Variants in MAGI3 observed in about 807,000 individuals in gnomAD.
The protein encoded by MAGI3 is membrane associated guanylate kinase, WW and PDZ domain containing 3.
A neutral mutation model predicts 121.8 loss-of-function variants in MAGI3; 43 were observed. The observed-to-expected ratio is 0.35, with a 90% CI of 0.28 to 0.46. The LOEUF (loss-of-function observed/expected upper bound fraction) is 0.46. Among genes scored for constraint, MAGI3 ranks in the 20% least tolerant of loss-of-function variants. The pLI is 1.00. For missense variants in MAGI3, 1,547 were observed against 1,797.3 expected (o/e 0.86, Z 2.52); for synonymous variants, 553 against 639.3 (o/e 0.86, Z 2.04).
rs761852251 is a variant in MAGI3, at chr1:113,658,751, A to C, written c.2630-329A>C. ...TAAACAATGAGACATCTGATCAGTC[A>C]GGTGGTATCAGTGAGATTAGTAGCT... On this transcript the variant is annotated intron_variant, in intron 15 of 20. Coordinates refer to ENST00000307546, the MANE Select transcript of MAGI3 (RefSeq NM_001142782.2). This position sits in a 1 kb window ranked among gnomAD's most constrained non-coding sequence, Gnocchi z 4.0. 1.3e-5 allele frequency among the ~76,000 whole-genome samples: 2 copies of C among 152,214 alleles called. No individual in the cohort carries two copies. The highest frequency in any genetic ancestry group is 2.9e-5 in the Non-Finnish European group (2 of 68,026).
chr1:113,419,605 AAAAG>A (rs1652630235), intron 1 of MAGI3, among the ~76,000 whole-genome samples: 1 of 151,348 alleles, frequency 6.6e-6, no homozygotes, highest in African/African-American at 2.4e-5. Flanking sequence ...AGTTTTAGAA[AAAAG>A]AAAGATTGGG....
rs1011798298 is a variant in MAGI3 at position 113,678,115 on chromosome 1, T to TG, written c.3190-3083_3190-3082insG. On this transcript the variant is annotated intron_variant, in intron 19 of 20. Transcript: ENST00000307546. ...CTGTTCAATTACAAGTTTTTGTTGT[T>TG]TTTTTTTTTTGCAGTTTATTGCAGG... Among the ~76,000 whole-genome samples the TG allele has an allele frequency of 2.1e-3, 314 of 148,520 alleles. 1 individual carries two copies. The highest frequency in any genetic ancestry group is 7.1e-3 in the African/African-American group (277 of 39,214).
intron 1 of MAGI3, among the ~76,000 whole-genome samples, chr1:113,430,394 C>T (rs1035861946): frequency 6.6e-6 from 1 of 152,082 alleles, no homozygotes; most frequent in African/African-American, 2.4e-5. Context: ...ATGAGTGAGG[C>T]CCTCTATTAC....
chr1:113,461,761 G>T (rs536541431), intron 1 of MAGI3, among the ~76,000 whole-genome samples: 8 of 152,218 alleles, frequency 5.3e-5, no homozygotes, highest in African/African-American at 1.9e-4. Context: ...CATAGCAAAA[G>T]AAACTATCAA....
At chr1:113,513,784 T>C (rs1657741265) in intron 1 of MAGI3, among the ~76,000 whole-genome samples, 1 of 152,136 alleles carries the variant, frequency 6.6e-6, no homozygotes, top group African/African-American at 2.4e-5. Flanking sequence ...AAATGGGATC[T>C]AATTAAACTA....
intron 1 of MAGI3, among the ~76,000 whole-genome samples, chr1:113,419,765 A>G (rs999553908): frequency 6.6e-6 from 1 of 152,152 alleles, no homozygotes. Context: ...TAGATTTATT[A>G]TCTTACAGTT....
intron 1 of MAGI3, among the ~76,000 whole-genome samples, chr1:113,526,700 G>C (rs1460582279): frequency 6.6e-6 from 1 of 152,188 alleles, no homozygotes; most frequent in Non-Finnish European, 1.5e-5. Context: ...AAAGCTGGTG[G>C]CAGGGAGTCC....
At chr1:113,513,805 G>T (rs1262668722) in intron 1 of MAGI3, among the ~76,000 whole-genome samples, 1 of 152,080 alleles carries the variant, frequency 6.6e-6, no homozygotes, top group African/African-American at 2.4e-5. Flanking sequence ...AAGAGCTTCT[G>T]CACAGCAAAA....
chr1:113,554,859 C>T (rs909812192), intron 2 of MAGI3, among the ~76,000 whole-genome samples: 1 of 152,086 alleles, frequency 6.6e-6, no homozygotes, highest in Non-Finnish European at 1.5e-5. Flanking sequence ...GGCATGCTGG[C>T]ATGTGCCTGT....
At chr1:113,660,592 T>C (rs2100999883) in intron 16 of MAGI3, among the ~76,000 whole-genome samples, 1 of 148,702 alleles carries the variant, frequency 6.7e-6, no homozygotes, top group African/African-American at 2.5e-5. Context: ...ACATATTGGT[T>C]GACTATGATA....
At chr1:113,649,057 G>A (rs1007373568) in intron 12 of MAGI3, among the ~76,000 whole-genome samples, 180 bp from the exon 13 acceptor site, 2 of 152,172 alleles carry the variant, frequency 1.3e-5, no homozygotes, top group Non-Finnish European at 2.9e-5. Context: ...AGCTCAAAAC[G>A]AGGATTTATA....
intron 16 of MAGI3, among the ~76,000 whole-genome samples, chr1:113,670,239 T>G (rs1019419110): frequency 6.6e-6 from 1 of 152,174 alleles, no homozygotes; most frequent in Non-Finnish European, 1.5e-5. Flanking sequence ...CATTTCTTCC[T>G]CCTGCCACTT....
At chr1:113,410,541 G>A (rs887188286) in intron 1 of MAGI3, among the ~76,000 whole-genome samples, 1 of 151,870 alleles carries the variant, frequency 6.6e-6, no homozygotes, top group Admixed American at 6.6e-5. Flanking sequence ...TATCTTTCTG[G>A]CTCTAGAGCT....
intron 16 of MAGI3, among the ~76,000 whole-genome samples, chr1:113,664,776 C>G (rs933101414): frequency 3.9e-5 from 6 of 152,252 alleles, no homozygotes; most frequent in Admixed American, 1.3e-4. Context: ...ATTTAATTTG[C>G]ATTTCTCTGA....
chr1:113,413,550 T>G (rs1652123544), intron 1 of MAGI3, among the ~76,000 whole-genome samples: 1 of 152,190 alleles, frequency 6.6e-6, no homozygotes, highest in Non-Finnish European at 1.5e-5. Flanking sequence ...CTCTTTAATT[T>G]CATCGAGCAG....
In MAGI3 at chr1:113,671,852, GGTTTTT is replaced by G. The variant is rs750068951; in HGVS notation, c.2918+29_2918+34del. 4.1e-5 allele frequency: 66 copies of G among 1,612,000 alleles called. No individual in the cohort carries two copies. Among genetic ancestry groups the G allele is most frequent in the Middle Eastern group, 3.3e-4 (2 of 6,068 alleles). On this transcript the variant is annotated intron_variant, in intron 17 of 20. Coordinates refer to ENST00000307546, the MANE Select transcript of MAGI3 (RefSeq NM_001142782.2). ...CTGGGGACAGGTGGGGCTATTTTCA[GGTTTTT>G]GTTTTTGTTTTTTTCTTATTCTCTC...
At position 113,622,800 on chromosome 1, in the gene MAGI3, GCA is replaced by G; in HGVS notation, c.1172-3_1172-2del. 6 of 1,561,220 alleles carry G rather than the reference GCA, an allele frequency of 3.8e-6. No individual in the cohort carries two copies. The highest frequency in any genetic ancestry group is 5.2e-6 in the Non-Finnish European group (6 of 1,162,778). On this transcript the variant is annotated splice_region_variant and splice_polypyrimidine_tract_variant and intron_variant, in intron 8 of 20. Coordinates refer to ENST00000307546, the MANE Select transcript of MAGI3 (RefSeq NM_001142782.2). Reference sequence around the variant, plus strand: ...GTTCTCAAACCCACTTCTCATTTTGGCACAGATATGGAAAAATCACACTTCAC... The same window carrying G: ...GTTCTCAAACCCACTTCTCATTTTGGCAGATATGGAAAAATCACACTTCAC...
At chr1:113,559,349 A>G (rs1660128453) in intron 2 of MAGI3, among the ~76,000 whole-genome samples, 1 of 152,212 alleles carries the variant, frequency 6.6e-6, no homozygotes, top group African/African-American at 2.4e-5. Flanking sequence ...AAATAAAGGG[A>G]TGGAGGAAAA....
intron 1 of MAGI3, among the ~76,000 whole-genome samples, chr1:113,405,957 C>T (rs1651659349): frequency 6.6e-6 from 1 of 152,026 alleles, no homozygotes; most frequent in Non-Finnish European, 1.5e-5. Flanking sequence ...CTTACATATT[C>T]AGGAGCTGCT....
Sources: gnomAD v4.1 joint callset for allele counts (sites outside exome capture counted in the v4.1 genomes callset) on GRCh38, gnomAD v4.1.1 for gene constraint, Gnocchi (gnomAD v3.1) non-coding constraint, MANE v1.5 for transcripts, NCBI Gene and HGNC (gene_info 2026-07-23, HGNC 2026-07-21) for gene names.